GRIP2: variants seen among roughly 807,000 people sequenced by gnomAD.
GRIP2 encodes glutamate receptor-interacting protein 2.
A neutral mutation model predicts 108.3 loss-of-function variants in GRIP2; 58 were observed. That is an observed-to-expected ratio of 0.54 (90% CI 0.43 to 0.67). GRIP2 has a LOEUF of 0.67. Ranked by LOEUF, GRIP2 falls within the 30% of genes least tolerant of loss-of-function variation. GRIP2 has a pLI of 0.00. For synonymous variants in GRIP2, 586 were observed against 598.2 expected, an observed-to-expected ratio of 0.98 and a Z score of 0.30; for missense variants, 1,278 against 1,430.6, an observed-to-expected ratio of 0.89 and a Z score of 1.72.
At chr3:14,526,134 G>C (rs976324998) in intron 1 of GRIP2, among the ~76,000 whole-genome samples, 1 of 152,222 alleles carries the variant, frequency 6.6e-6, no homozygotes, top group African/African-American at 2.4e-5. Context: ...TTGGGGCTGA[G>C]TAACATTCTT....
In GRIP2 at chr3:14,489,247, G is replaced by C. The variant is rs989552722; in HGVS notation, c.*4418C>G. ...GGGTTTTTTTCTCTTTTGCTTTTTA[G>C]ATAAATATGTATATCAATATTTTAA... is the stretch of plus-strand genomic sequence containing the variant. On this transcript the variant is annotated 3_prime_UTR_variant, in exon 24 of 24. Coordinates refer to ENST00000621039, the MANE Select transcript of GRIP2 (RefSeq NM_001080423.4). 2 of 152,402 alleles carry C rather than the reference G, an allele frequency of 1.3e-5. No individual in the cohort carries two copies. Among genetic ancestry groups the C allele is most frequent in the Non-Finnish European group, 2.9e-5 (2 of 67,994 alleles). 9.4% of individuals were successfully genotyped at this position (152,402 alleles called of 1,614,324 possible). A position where few individuals can be genotyped will look rare whatever the true frequency, so the allele number is the denominator to read the frequency against.
rs1448543625 is a variant in GRIP2 at position 14,525,920 on chromosome 3, A to C, written c.52T>G (p.Tyr18Asp). 1.3e-6 allele frequency: 2 copies of C among 1,558,008 alleles called. No homozygotes were observed. The highest frequency in any genetic ancestry group is 1.9e-5 in the Admixed American group (1 of 51,998). ...CCTGCGTCCTTGCCTCCTTTGGAGT[A>C]GGGCCCATCGTCTGCAGGAGAGAAA... ...ETPGEADDGPYSKGGKDAGGA... is the reference protein window; with the variant it reads ...ETPGEADDGPDSKGGKDAGGA... Residue 18 changes from tyrosine (Y) to aspartate (D), a missense_variant, in exon 2 of 24, where the codon TAC (tyrosine) becomes GAC (aspartate). Physicochemically the swap from Tyr to Asp is radical, Grantham distance 160. Coordinates refer to ENST00000621039, the MANE Select transcript of GRIP2 (RefSeq NM_001080423.4).
chr3:14,601,524 T>A, the GRIP2 span, among the ~76,000 whole-genome samples: 1 of 152,110 alleles, frequency 6.6e-6, no homozygotes, highest in Admixed American at 6.5e-5. Context: ...CCGCACCAAC[T>A]CAGGTCAGGC....
the GRIP2 span, among the ~76,000 whole-genome samples, chr3:14,562,176 C>T: frequency 6.6e-6 from 1 of 152,200 alleles, no homozygotes; most frequent in Non-Finnish European, 1.5e-5. Context: ...AGACTCTGGA[C>T]TCTAAATTCC....
intron 12 of GRIP2, among the ~76,000 whole-genome samples, chr3:14,514,085 G>C (rs185631115): frequency 3.9e-5 from 6 of 152,394 alleles, no homozygotes; most frequent in Admixed American, 1.3e-4. Flanking sequence ...AGGGGTTCAA[G>C]CCCTGGGATT....
At chr3:14,591,351 G>A in the GRIP2 span, among the ~76,000 whole-genome samples, 1 of 152,174 alleles carries the variant, frequency 6.6e-6, no homozygotes, top group African/African-American at 2.4e-5. Flanking sequence ...GAGGACACAG[G>A]AAGAGCCTTG....
chr3:14,601,728 G>A, the GRIP2 span, among the ~76,000 whole-genome samples: 1 of 152,212 alleles, frequency 6.6e-6, no homozygotes, highest in African/African-American at 2.4e-5. Flanking sequence ...GAGGGGCAGG[G>A]ACCAGCTCTC....
rs768195299 is a variant in GRIP2 at position 14,520,213 on chromosome 3, C to T, written c.927G>A (p.Ser309=). The T allele has an allele frequency of 1.3e-5, 21 of 1,613,612 alleles. No individual in the cohort carries two copies. The highest frequency in any genetic ancestry group is 4.4e-5 in the South Asian group (4 of 90,980). The stretch of plus-strand genomic sequence containing the variant: ...CCAGGAGCTTGGTGGCCTCAAGCAG[C>T]GAGCAGTGTTCCATGCTGGTGCCAT... ...SIDGTSMEHC[S]LLEATKLLAS... Residue 309 remains serine, a synonymous_variant, in exon 9 of 24, where the codon TCG becomes TCA. Coordinates refer to ENST00000621039, the MANE Select transcript of GRIP2 (RefSeq NM_001080423.4).
intron 20 of GRIP2, among the ~76,000 whole-genome samples, chr3:14,504,387 C>A (rs1318551833): frequency 6.7e-6 from 1 of 149,398 alleles, no homozygotes; most frequent in East Asian, 2.0e-4. Context: ...TCTCGACTCA[C>A]TGCAAGCTCT....
upstream of GRIP2, among the ~76,000 whole-genome samples, chr3:14,558,130 T>C (rs536303429): frequency 6.6e-6 from 1 of 152,306 alleles, no homozygotes; most frequent in African/African-American, 2.4e-5. Context: ...TCAGAGCGCA[T>C]GAGGGTGGTC....
At chr3:14,518,463 C>G (rs1464187924) in intron 9 of GRIP2, among the ~76,000 whole-genome samples, 5 of 152,196 alleles carry the variant, frequency 3.3e-5, no homozygotes, top group South Asian at 2.1e-4. Context: ...GCTGCTCCCC[C>G]TTCCCAGGCT....
At chr3:14,510,258 G>GT (rs148444184) in intron 16 of GRIP2, among the ~76,000 whole-genome samples, 3,848 of 92,188 alleles carry the variant, frequency 0.042, 90 homozygotes, top group African/African-American at 0.083. Context: ...ATCATCCGTT[G>GT]TTTTTTTTTT....
rs1181344371 is a variant in GRIP2 at position 14,494,927 on chromosome 3, C to T, written c.2886G>A (p.Leu962=). The T allele has an allele frequency of 2.5e-6, 4 of 1,613,852 alleles. No individual in the cohort carries two copies. Among genetic ancestry groups the T allele is most frequent in the African/African-American group, 1.3e-5 (1 of 74,936 alleles). The part of the protein sequence containing the change: ...DFGFSVSDGL[L]EKGVYVHTVR... ...CAGTGTGGACATAGACACCTTTTTCCAGGAGGCCATCTGAGACGCTGAAAC... is the reference window on the plus strand; with the variant it reads ...CAGTGTGGACATAGACACCTTTTTCTAGGAGGCCATCTGAGACGCTGAAAC... Residue 962 remains leucine, a synonymous_variant, in exon 23 of 24, where the codon CTG becomes CTA. Transcript: ENST00000621039.
chr3:14,600,725 C>T, the GRIP2 span, among the ~76,000 whole-genome samples: 3 of 152,216 alleles, frequency 2.0e-5, no homozygotes, highest in Admixed American at 1.3e-4. Flanking sequence ...ACTAATTTTC[C>T]TGTGGCCCAG....
the GRIP2 span, among the ~76,000 whole-genome samples, chr3:14,595,082 G>C: frequency 6.6e-6 from 1 of 151,958 alleles, no homozygotes; most frequent in African/African-American, 2.4e-5. Flanking sequence ...TTTTTTTGTA[G>C]AGATGGTGTC....
chr3:14,530,678 A>C (rs1288211413), intron 1 of GRIP2, among the ~76,000 whole-genome samples: 1 of 152,246 alleles, frequency 6.6e-6, no homozygotes, highest in Admixed American at 6.5e-5. Flanking sequence ...TTCCTGGTGT[A>C]AAAATATACA....
rs748125794 is a variant in GRIP2, at chr3:14,513,659, A to T, written c.1639+6T>A. The T allele has an allele frequency of 1.3e-6, 2 of 1,595,522 alleles. No homozygotes were observed. Among genetic ancestry groups the T allele is most frequent in the Non-Finnish European group, 1.7e-6 (2 of 1,171,844 alleles). ...TATGAGGAGGAAGCTTGGGCCACTC[A>T]CTCACCCGCCACATCGAACTCCACC... On this transcript the variant is annotated splice_donor_region_variant and intron_variant, in intron 13 of 23. Transcript: ENST00000621039.
chr3:14,564,360 C>T, the GRIP2 span, among the ~76,000 whole-genome samples: 4 of 152,244 alleles, frequency 2.6e-5, no homozygotes, highest in African/African-American at 9.6e-5. Context: ...GCAGCAGCTC[C>T]ACCGGGGCTC....
At chr3:14,539,077 T>TG (rs1055019997) in intron 1 of GRIP2, among the ~76,000 whole-genome samples, 16 of 152,220 alleles carry the variant, frequency 1.1e-4, no homozygotes, top group African/African-American at 3.9e-4. Context: ...CAAGGATGGG[T>TG]GGGCCCATCG....
Sources: allele counts gnomAD v4.1 joint callset (sites outside exome capture counted in the v4.1 genomes callset), GRCh38; gene constraint gnomAD v4.1.1; transcripts MANE v1.5; gene names NCBI Gene and HGNC (gene_info 2026-07-23, HGNC 2026-07-21).